The following LMAN1L variants were observed in gnomAD, a reference collection of about 807,000 sequenced individuals.
LMAN1L encodes lectin, mannose binding 1 like, also known as protein ERGIC-53-like.
A neutral mutation model predicts 58.3 loss-of-function variants in LMAN1L; 60 were observed. The ratio of observed to expected loss-of-function variants is 1.03; its 90% CI spans 0.84 to 1.27. The LOEUF is 1.27. Ranked by LOEUF, LMAN1L falls within the 50% of genes most tolerant of loss-of-function variation. LMAN1L has a pLI of 0.00. For missense variants in LMAN1L, 629 were observed against 674.0 expected, an observed-to-expected ratio of 0.93 and a Z score of 0.74; for synonymous variants, 280 against 271.6, an observed-to-expected ratio of 1.03 and a Z score of -0.31.
rs1596378930 is a variant in LMAN1L, at chr15:74,818,936, G to A, written c.597+119G>A. Reference sequence around the variant, plus strand: ...CACGTGAGGTCCCTGGCACACACGGGCCAACATCCACAGGGGATCCTCCAT... The same window carrying A: ...CACGTGAGGTCCCTGGCACACACGGACCAACATCCACAGGGGATCCTCCAT... On this transcript the variant is annotated intron_variant, in intron 5 of 13. Coordinates refer to ENST00000309664, the MANE Select transcript of LMAN1L (RefSeq NM_021819.3). The A allele has an allele frequency of 7.8e-6, 8 of 1,030,548 alleles. No homozygotes were observed. In the South Asian group the frequency reaches 9.2e-5, roughly 12 times the overall value. The allele number at this position is 1,030,548 out of a possible 1,614,324, so 63.8% of individuals were successfully genotyped here. A position where few individuals can be genotyped will look rare whatever the true frequency, so the allele number is the denominator to read the frequency against.
chr15:74,825,434 A>G, intron 13 of LMAN1L, 42 bp from the exon 14 acceptor site: 1 of 1,581,236 alleles, frequency 6.3e-7, no homozygotes, highest in Non-Finnish European at 8.6e-7. Flanking sequence ...AAGCCCATAA[A>G]GGAGAGACGC....
At chr15:74,824,298 C>T in intron 12 of LMAN1L, 53 bp from the exon 13 acceptor site, 1 of 1,572,042 alleles carries the variant, frequency 6.4e-7, no homozygotes, top group Non-Finnish European at 8.7e-7. Flanking sequence ...TCCAGGTCCC[C>T]CACTCCTTCT....
At chr15:74,819,306 G>C in intron 6 of LMAN1L, 34 bp downstream of exon 6, 1 of 1,607,592 alleles carries the variant, frequency 6.2e-7, no homozygotes, top group Non-Finnish European at 8.5e-7. Context: ...AGAGCAGAAG[G>C]GCAGTGATGA....
intron 7 of LMAN1L, chr15:74,820,410 A>G (rs2063910980): frequency 7.7e-6 from 5 of 647,954 alleles, no homozygotes; most frequent in Admixed American, 2.7e-5. Context: ...TGCCTGGAGG[A>G]GATGAGCTTA....
chr15:74,821,716 G>A, intron 9 of LMAN1L, 113 bp from the exon 10 acceptor site: 1 of 717,670 alleles, frequency 1.4e-6, no homozygotes, highest in Non-Finnish European at 2.4e-6. Context: ...GCTGGGCTCT[G>A]ACAGCTCGAG....
At chr15:74,820,149 C>G (rs745574928) in intron 7 of LMAN1L, 50 bp downstream of exon 7, 1 of 1,507,056 alleles carries the variant, frequency 6.6e-7, no homozygotes, top group Non-Finnish European at 9.2e-7. Context: ...GGACCCTGCC[C>G]TCACCCATGT....
rs753475575 is a variant in LMAN1L at position 74,824,520 on chromosome 15, C to A, written c.1451+42C>A. Reference sequence around the variant, plus strand: ...GCAGGATTTCCCACAGCACTGGCATCTCTTGGTTCTCAGCTATAACCATTG... The same window carrying A: ...GCAGGATTTCCCACAGCACTGGCATATCTTGGTTCTCAGCTATAACCATTG... On this transcript the variant is annotated intron_variant, in intron 13 of 13. Coordinates refer to ENST00000309664, the MANE Select transcript of LMAN1L (RefSeq NM_021819.3). 6.8e-5 allele frequency: 110 copies of A among 1,610,820 alleles called. 3 individuals are homozygous for A. The Admixed American group carries it at 1.7e-3, about 24-fold the overall frequency.
Position 74,819,154 on chromosome 15 carries a change from G to A in LMAN1L, c.600G>A (p.Met200Ile), listed in dbSNP as rs754897684. The stretch of plus-strand genomic sequence containing the variant: ...CTCACTCTCTCCATGTCCCTCAGAT[G>A]TCCTTGAACAGTGGCCTCACTCCCA... ...RITYWGQRLR[M>I]SLNSGLTPSD... The change falls in exon 6 of 14, where the codon ATG becomes ATA. Residue 200 changes from methionine (M) to isoleucine (I), a missense_variant and splice_region_variant. Coordinates refer to ENST00000309664, the MANE Select transcript of LMAN1L (RefSeq NM_021819.3). The A allele has an allele frequency of 6.2e-7, 1 of 1,609,790 alleles. No homozygotes were observed. Among genetic ancestry groups the A allele is most frequent in the Non-Finnish European group, 8.5e-7 (1 of 1,177,694 alleles).
chr15:74,821,374 A>G, intron 9 of LMAN1L, 148 bp downstream of exon 9: 1 of 1,005,766 alleles, frequency 9.9e-7, no homozygotes, highest in Non-Finnish European at 1.4e-6. Context: ...GCAGGGCAGC[A>G]TGCAGGATGG....
intron 7 of LMAN1L, chr15:74,820,341 G>T: frequency 1.6e-6 from 1 of 615,332 alleles, no homozygotes; most frequent in Non-Finnish European, 2.9e-6. Flanking sequence ...CTCAAAAGGT[G>T]CAGGGGGCTG....
chr15:74,825,633 T>A lies in LMAN1L; in HGVS notation c.*28T>A. ...CACCTCAGAGCCTGCTTTGCATCAC[T>A]GGGAAGCAGGCAGTGTCTTGGGTGG... On this transcript the variant is annotated 3_prime_UTR_variant, in exon 14 of 14. Transcript: ENST00000309664. The A allele has an allele frequency of 1.3e-6, 2 of 1,596,356 alleles. No homozygotes were observed. Among genetic ancestry groups the A allele is most frequent in the Non-Finnish European group, 1.7e-6 (2 of 1,168,524 alleles).
rs1332187018 is a variant in LMAN1L, at chr15:74,820,025, T to C, written c.719-19T>C. On this transcript the variant is annotated intron_variant, in intron 6 of 13. Transcript: ENST00000309664. ...CTGGGTGGAGGGGTCTTACTTCTCC[T>C]TCATCTGTCCCCTTCCAGATGATCA... is the stretch of plus-strand genomic sequence containing the variant. The C allele has an allele frequency of 6.2e-7, 1 of 1,611,062 alleles. No individual in the cohort carries two copies. The highest frequency in any genetic ancestry group is 8.5e-7 in the Non-Finnish European group (1 of 1,177,164).
chr15:74,820,528 C>A, intron 7 of LMAN1L, 107 bp from the exon 8 acceptor site: 1 of 1,446,266 alleles, frequency 6.9e-7, no homozygotes, highest in Admixed American at 1.7e-5. Context: ...GCAGGGCCAG[C>A]TGGCCAGGGA....
intron 4 of LMAN1L, among the ~76,000 whole-genome samples, chr15:74,818,003 A>C (rs1390348909): frequency 1.5e-5 from 2 of 130,448 alleles, no homozygotes; most frequent in East Asian, 4.5e-4. Context: ...ACAGAGCAAG[A>C]CTCCGTCTCA....
rs766722569 is a variant in LMAN1L at position 74,824,370 on chromosome 15, C to A, written c.1343C>A (p.Pro448His). 1 of 1,613,982 alleles carries A rather than the reference C, an allele frequency of 6.2e-7. No individual in the cohort carries two copies. The highest frequency in any genetic ancestry group is 1.7e-5 in the Admixed American group (1 of 59,998). ...TTTCAGAAGGCAGCAGCCAAGGCCC[C>A]CCGCCCACCTGGCCAGCCCCCAAGG... Reference protein sequence around the residue: ...RGPAKAAAKAPRPPGQPPRAS... With the variant: ...RGPAKAAAKAHRPPGQPPRAS... Residue 448 changes from proline to histidine, a missense_variant, in exon 13 of 14, where the codon CCC (proline) becomes CAC (histidine). Transcript: ENST00000309664.
intron 6 of LMAN1L, 104 bp downstream of exon 6, chr15:74,819,376 C>A: frequency 7.0e-7 from 1 of 1,433,720 alleles, no homozygotes; most frequent in Non-Finnish European, 9.4e-7. Context: ...CACTTCACCA[C>A]ATGACCTGGG....
In LMAN1L at chr15:74,812,845, C is replaced by A. The variant is rs773444503; in HGVS notation, c.-10C>A. ...TCTACCCCGGGGCCCAGACTTCAGGCGCCTTCACGATGCCGGCGGTCAGTG... is the reference window on the plus strand; with the variant it reads ...TCTACCCCGGGGCCCAGACTTCAGGAGCCTTCACGATGCCGGCGGTCAGTG... On this transcript the variant is annotated 5_prime_UTR_variant, in exon 1 of 14. Transcript: ENST00000309664. The A allele has an allele frequency of 4.4e-6, 7 of 1,585,238 alleles. No homozygotes were observed. Among genetic ancestry groups the A allele is most frequent in the Middle Eastern group, 3.5e-4 (2 of 5,784 alleles).
In LMAN1L at chr15:74,816,804, G is replaced by A. The variant is rs559901317; in HGVS notation, c.497+114G>A. 1.7e-3 allele frequency: 1,740 copies of A among 1,025,622 alleles called. 3 individuals are homozygous for A. The highest frequency in any genetic ancestry group is 3.1e-3 in the South Asian group (197 of 62,650). The allele number at this position is 1,025,622 out of a possible 1,614,324, so 63.5% of individuals were successfully genotyped here. On this transcript the variant is annotated intron_variant, in intron 4 of 13. Coordinates refer to ENST00000309664, the MANE Select transcript of LMAN1L (RefSeq NM_021819.3). ...TCCAGCAGGGGGCCCACCCTGCCGG[G>A]CCGCCATACTTGCTGGACTCTCTCA...
At chr15:74,817,176 G>A (rs2063895598) in intron 4 of LMAN1L, among the ~76,000 whole-genome samples, 1 of 152,156 alleles carries the variant, frequency 6.6e-6, no homozygotes, top group Admixed American at 6.5e-5. Flanking sequence ...GTTTGTCAGT[G>A]TCTCTCAGCA....
Sources: allele counts gnomAD v4.1 joint callset (sites outside exome capture counted in the v4.1 genomes callset), GRCh38; gene constraint gnomAD v4.1.1; transcripts MANE v1.5; gene names NCBI Gene and HGNC (gene_info 2026-07-23, HGNC 2026-07-21).